The following SUGCT variants were observed in gnomAD, a reference collection of about 807,000 sequenced individuals.
SUGCT encodes the protein succinyl-CoA:glutarate-CoA transferase.
SUGCT carries 41 observed loss-of-function variants against 55.0 expected under a neutral mutation model. That is an observed-to-expected ratio of 0.74 (90% CI 0.58 to 0.97). The LOEUF is 0.97. SUGCT is among the 50% of genes least tolerant of loss of function. The probability of loss-of-function intolerance (pLI) is 0.00; values close to 1 mark genes in which losing one functional copy is unlikely to be tolerated. For synonymous variants in SUGCT, 187 were observed against 200.4 expected (o/e 0.93, Z 0.56); for missense variants, 568 against 547.8 (o/e 1.04, Z -0.37).
At chr7:40,864,531 A>G (rs1486442998), downstream of SUGCT, among the ~76,000 whole-genome samples, 3 of 152,128 alleles carry the variant, frequency 2.0e-5, no homozygotes, top group South Asian at 4.1e-4. Context: ...AAGCAACTCC[A>G]CTAGACATCT....
chr7:40,342,278 A>C (rs1468877461), intron 9 of SUGCT, among the ~76,000 whole-genome samples: 1 of 152,220 alleles, frequency 6.6e-6, no homozygotes, highest in Non-Finnish European at 1.5e-5. Flanking sequence ...ACGAAAGGGG[A>C]CTTGAGAGAT....
In SUGCT at chr7:40,678,431, A is replaced by G. The variant is rs554903781; in HGVS notation, c.1090-71003A>G. 3.3e-5 allele frequency among the ~76,000 whole-genome samples: 5 copies of G among 152,318 alleles called. No individual in the cohort carries two copies. The East Asian group carries it at 9.6e-4, about 29-fold the overall frequency. On this transcript the variant is annotated intron_variant, in intron 12 of 13. Coordinates refer to ENST00000335693, the MANE Select transcript of SUGCT (RefSeq NM_001193313.2). ...AGCTATTTTTAGTTGTCAAAAAACA[A>G]TTACCCATACTTCCCTTTTTCACCA...
chr7:40,477,040 A>G (rs1231426500), intron 11 of SUGCT, among the ~76,000 whole-genome samples: 1 of 152,166 alleles, frequency 6.6e-6, no homozygotes, highest in Admixed American at 6.6e-5. Context: ...GAGAGCACTC[A>G]TCTTAGCTTT....
At chr7:40,195,284 C>T (rs1204986430) in intron 6 of SUGCT, among the ~76,000 whole-genome samples, 6 of 145,712 alleles carry the variant, frequency 4.1e-5, no homozygotes, top group African/African-American at 1.3e-4. Flanking sequence ...TGTAGTGGCG[C>T]GATCTCGGCT....
At chr7:40,822,025 A>G (rs1202022782) in intron 13 of SUGCT, among the ~76,000 whole-genome samples, 1 of 152,178 alleles carries the variant, frequency 6.6e-6, no homozygotes, top group Non-Finnish European at 1.5e-5. Context: ...TTATGTACCC[A>G]GTAGTCATTC....
At chr7:40,958,566 C>A in the SUGCT span, among the ~76,000 whole-genome samples, 6 of 151,834 alleles carry the variant, frequency 4.0e-5, no homozygotes, top group Non-Finnish European at 8.8e-5. Flanking sequence ...TTCCTGTAAC[C>A]TTTTATCAAG....
intron 12 of SUGCT, among the ~76,000 whole-genome samples, chr7:40,535,777 TCCA>T (rs1373088091): frequency 6.6e-6 from 1 of 152,178 alleles, no homozygotes; most frequent in African/African-American, 2.4e-5. Flanking sequence ...CCTCAGGTGA[TCCA>T]CCCGCCTTGA....
chr7:40,693,128 A>G (rs948063341), intron 12 of SUGCT, among the ~76,000 whole-genome samples: 3 of 152,186 alleles, frequency 2.0e-5, no homozygotes, highest in African/African-American at 7.2e-5. Context: ...CTGCAGTACA[A>G]TAGACCAACT....
chr7:40,544,840 C>A (rs752836674), intron 12 of SUGCT, among the ~76,000 whole-genome samples: 3 of 152,124 alleles, frequency 2.0e-5, no homozygotes, highest in African/African-American at 4.8e-5. Flanking sequence ...ACATGGTGTT[C>A]GTTATTCAAT....
the SUGCT span, among the ~76,000 whole-genome samples, chr7:41,022,287 A>G: frequency 6.6e-6 from 1 of 152,192 alleles, no homozygotes; most frequent in Non-Finnish European, 1.5e-5. Flanking sequence ...ACAATAGAAT[A>G]TTATCTTCAA....
At chr7:40,635,475 C>A (rs2151816051) in intron 12 of SUGCT, among the ~76,000 whole-genome samples, 1 of 152,182 alleles carries the variant, frequency 6.6e-6, no homozygotes, top group South Asian at 2.1e-4. Flanking sequence ...ATGACAACAG[C>A]TAAGAAGTTT....
At chr7:40,189,515 T>C in intron 4 of SUGCT, 29 bp from the exon 5 acceptor site, 2 of 494,522 alleles carry the variant, frequency 4.0e-6, no homozygotes, top group Non-Finnish European at 5.7e-6. Flanking sequence ...ATCGAAATAA[T>C]ATATATATAT....
At chr7:41,035,856 C>A in the SUGCT span, among the ~76,000 whole-genome samples, 1 of 152,328 alleles carries the variant, frequency 6.6e-6, no homozygotes, top group East Asian at 1.9e-4. Context: ...CAGGAACCCC[C>A]AGCCTTGCAT....
the SUGCT span, among the ~76,000 whole-genome samples, chr7:40,944,305 T>C: frequency 6.6e-6 from 1 of 151,672 alleles, no homozygotes; most frequent in Non-Finnish European, 1.5e-5. Flanking sequence ...TTTGTCAATT[T>C]TGGCTTTTGT....
intron 1 of SUGCT, among the ~76,000 whole-genome samples, chr7:40,151,892 C>T (rs941592550): frequency 2.0e-4 from 31 of 151,976 alleles, no homozygotes; most frequent in Admixed American, 2.0e-3. Flanking sequence ...AGGTTGGGAG[C>T]CAGAGGGTAG....
chr7:40,532,163 TTTC>T (rs1794132536), intron 12 of SUGCT, among the ~76,000 whole-genome samples: 1 of 152,188 alleles, frequency 6.6e-6, no homozygotes. Flanking sequence ...TGTTTTGAAA[TTTC>T]TTCTTCAGAA....
At chr7:40,321,735 T>C (rs1052670784) in intron 9 of SUGCT, among the ~76,000 whole-genome samples, 33 of 152,192 alleles carry the variant, frequency 2.2e-4, no homozygotes, top group Non-Finnish European at 4.4e-4. Flanking sequence ...TCCAATTCCA[T>C]CCATGTTGCT....
chr7:40,283,025 T>G (rs1359974876), intron 8 of SUGCT, among the ~76,000 whole-genome samples: 6 of 151,882 alleles, frequency 4.0e-5, no homozygotes, highest in Middle Eastern at 3.4e-3. Context: ...AAAGCAAAAC[T>G]AGACAAACAA....
intron 9 of SUGCT, among the ~76,000 whole-genome samples, chr7:40,399,196 A>G (rs1389013445): frequency 6.6e-6 from 1 of 152,182 alleles, no homozygotes; most frequent in Non-Finnish European, 1.5e-5. Flanking sequence ...CTAATTTCTT[A>G]TTAGAAAATA....
Sources: gnomAD v4.1 joint callset for allele counts (sites outside exome capture counted in the v4.1 genomes callset) on GRCh38, gnomAD v4.1.1 for gene constraint, MANE v1.5 for transcripts, NCBI Gene and HGNC (gene_info 2026-07-23, HGNC 2026-07-21) for gene names.